TMEM132B: variants seen among roughly 807,000 people sequenced by gnomAD.
TMEM132B encodes the protein transmembrane protein 132B.
TMEM132B carries 18 observed loss-of-function variants against 90.8 expected under a neutral mutation model. That is an observed-to-expected ratio of 0.20 (90% confidence interval 0.14 to 0.29). TMEM132B has a LOEUF of 0.29. Ranked by LOEUF, TMEM132B falls within the 10% of genes least tolerant of loss-of-function variation. The pLI is 1.00. For missense variants in TMEM132B, 1,096 were observed against 1,326.8 expected (o/e 0.83, Z 2.70); for synonymous variants, 504 against 523.3 (o/e 0.96, Z 0.50).
At chr12:125,351,461 C>A (rs779251415) in intron 2 of TMEM132B, among the ~76,000 whole-genome samples, 8 of 151,996 alleles carry the variant, frequency 5.3e-5, no homozygotes, top group Non-Finnish European at 1.0e-4. Context: ...AATACGGGGG[C>A]AGACAAAGAA....
chr12:125,659,023 AAAAT>A lies in TMEM132B; in HGVS notation c.*4317_*4320del, dbSNP rs1233737904. ...AGGGTAACACATCGTTTTTAACATG[AAAAT>A]AAACATTTAAACATTCTTCAGTTGT... is the stretch of plus-strand genomic sequence containing the variant. On this transcript the variant is annotated 3_prime_UTR_variant, in exon 9 of 9. Coordinates refer to ENST00000682704, the MANE Select transcript of TMEM132B (RefSeq NM_001366854.1). 1 of 152,256 alleles carries A rather than the reference AAAAT, an allele frequency of 6.6e-6. No individual in the cohort carries two copies. Among genetic ancestry groups the A allele is most frequent in the East Asian group, 1.9e-4 (1 of 5,204 alleles). The allele number at this position is 152,256 out of a possible 1,614,324, so 9.4% of individuals were successfully genotyped here.
intron 4 of TMEM132B, among the ~76,000 whole-genome samples, chr12:125,557,666 C>G (rs370927855): frequency 6.6e-6 from 1 of 151,124 alleles, no homozygotes; most frequent in African/African-American, 2.4e-5. Context: ...ATTTACTGAG[C>G]TCCTATTATG....
chr12:125,536,470 C>T (rs556150777), intron 4 of TMEM132B, among the ~76,000 whole-genome samples: 3 of 152,298 alleles, frequency 2.0e-5, no homozygotes, highest in East Asian at 3.9e-4. Context: ...CTTCCATGAA[C>T]TCACTCGCCA....
chr12:125,519,655 G>A (rs771525316), intron 4 of TMEM132B, 30 bp downstream of exon 4: 6 of 1,610,752 alleles, frequency 3.7e-6, no homozygotes, highest in Non-Finnish European at 5.1e-6. Context: ...CAGAGGAAGT[G>A]TCACAAAGAA....
At position 125,660,496 on chromosome 12, in the gene TMEM132B, C is replaced by A. The variant is rs986569071; in HGVS notation, c.*5786C>A. On this transcript the variant is annotated 3_prime_UTR_variant, in exon 9 of 9. Coordinates refer to ENST00000682704, the MANE Select transcript of TMEM132B (RefSeq NM_001366854.1). ...CTGTTAGTTTCTTTATGGTTTTATA[C>A]AATTGAGATAGGTTCTGAAGTTTTT... The A allele has an allele frequency of 2.6e-5, 4 of 151,790 alleles. No individual in the cohort carries two copies. Among genetic ancestry groups the A allele is most frequent in the Admixed American group, 6.6e-5 (1 of 15,236 alleles). 9.4% of individuals were successfully genotyped at this position (151,790 alleles called of 1,614,324 possible).
chr12:125,483,718 A>G lies in TMEM132B; in HGVS notation c.1107-35721A>G, dbSNP rs180948552. 1.4e-3 allele frequency among the ~76,000 whole-genome samples: 216 copies of G among 152,324 alleles called. 1 individual carries two copies. Among genetic ancestry groups the G allele is most frequent in the African/African-American group, 5.0e-3 (207 of 41,564 alleles). ...AATGAATGGGTATCAGGAAGGAAAA[A>G]CACCAAGGGTAATTTTAAAGACCTC... On this transcript the variant is annotated intron_variant, in intron 3 of 8. Coordinates refer to ENST00000682704, the MANE Select transcript of TMEM132B (RefSeq NM_001366854.1).
chr12:125,433,460 C>T (rs995399583), intron 3 of TMEM132B, among the ~76,000 whole-genome samples: 2 of 152,002 alleles, frequency 1.3e-5, no homozygotes, highest in African/African-American at 4.8e-5. Context: ...GCTGACTGCC[C>T]TCCCTAGAAC....
At chr12:125,361,424 C>T (rs971857672) in intron 2 of TMEM132B, among the ~76,000 whole-genome samples, 17 of 152,054 alleles carry the variant, frequency 1.1e-4, no homozygotes, top group African/African-American at 3.9e-4. Flanking sequence ...AATCTTAATG[C>T]TTAGTTTTTA....
At chr12:125,329,397 G>T (rs1421886483) in intron 1 of TMEM132B, among the ~76,000 whole-genome samples, 1 of 152,200 alleles carries the variant, frequency 6.6e-6, no homozygotes, top group Non-Finnish European at 1.5e-5. Context: ...CAGAACCCCA[G>T]GAGGCAGATG....
chr12:125,216,486 C>T (rs1434769162), intron 1 of TMEM132B, among the ~76,000 whole-genome samples: 1 of 152,168 alleles, frequency 6.6e-6, no homozygotes, highest in Non-Finnish European at 1.5e-5. Context: ...TTTTGTAACA[C>T]CTCTCTTCCT....
chr12:125,393,806 C>T (rs527548367), intron 2 of TMEM132B, among the ~76,000 whole-genome samples: 20 of 152,300 alleles, frequency 1.3e-4, no homozygotes, highest in African/African-American at 4.3e-4. Context: ...GTGCTTCGTG[C>T]AGGAACTTCA....
intron 5 of TMEM132B, among the ~76,000 whole-genome samples, chr12:125,604,914 C>A (rs998267025): frequency 1.3e-5 from 2 of 152,136 alleles, no homozygotes; most frequent in Non-Finnish European, 2.9e-5. Context: ...TGACAGACAA[C>A]CAGAGAATTT....
rs1305617009 is a variant in TMEM132B, at chr12:125,282,041, AAAAAAAAAAAAAAAAAAAAG to A, written c.68-67409_68-67390del. ...AGACTCCGTCTCAAAAAAAAAAAAA[AAAAAAAAAAAAAAAAAAAAG>A]AGAGACTTTTGAAGCTTGGTGAGAG... On this transcript the variant is annotated intron_variant, in intron 1 of 8. Coordinates refer to ENST00000682704, the MANE Select transcript of TMEM132B (RefSeq NM_001366854.1). Among the ~76,000 whole-genome samples, 14 of 124,604 alleles carry A rather than the reference AAAAAAAAAAAAAAAAAAAAG, an allele frequency of 1.1e-4. 1 individual carries two copies. The highest frequency in any genetic ancestry group is 3.8e-4 in the African/African-American group (12 of 31,804). The allele number at this position is 124,604 out of a possible 152,430, so 81.7% of individuals were successfully genotyped here.
At chr12:125,553,442 G>C (rs963919962) in intron 4 of TMEM132B, among the ~76,000 whole-genome samples, 5 of 152,204 alleles carry the variant, frequency 3.3e-5, no homozygotes, top group Non-Finnish European at 7.3e-5. Flanking sequence ...TGCGCTACCA[G>C]GCCTGTCTGG....
intron 1 of TMEM132B, among the ~76,000 whole-genome samples, chr12:125,266,093 G>A (rs368117379): frequency 6.6e-6 from 1 of 152,126 alleles, no homozygotes; most frequent in African/African-American, 2.4e-5. Flanking sequence ...GCCAGGTGTG[G>A]TGGCGGGCAT....
rs200430480 is a variant in TMEM132B, at chr12:125,515,664, TTC to T, written c.1107-3773_1107-3772del. The stretch of plus-strand genomic sequence containing the variant: ...GACACATTCACACCCCCTTCACACA[TTC>T]TTTCTCACACTCACACACATTCCCT... On this transcript the variant is annotated intron_variant, in intron 3 of 8. Transcript: ENST00000682704. Among the ~76,000 whole-genome samples, 1,041 of 148,520 alleles carry T rather than the reference TTC, an allele frequency of 7.0e-3. 20 individuals are homozygous for T. Among genetic ancestry groups the T allele is most frequent in the African/African-American group, 0.025 (1,009 of 40,258 alleles).
chr12:125,302,268 G>A (rs1375944133), intron 1 of TMEM132B, among the ~76,000 whole-genome samples: 1 of 152,068 alleles, frequency 6.6e-6, no homozygotes, highest in Admixed American at 6.6e-5. Flanking sequence ...GGGAGGCTGA[G>A]GTGGGAGGAT....
intron 2 of TMEM132B, among the ~76,000 whole-genome samples, chr12:125,368,260 G>C (rs902961694): frequency 6.6e-6 from 1 of 152,168 alleles, no homozygotes; most frequent in African/African-American, 2.4e-5. Flanking sequence ...ATTAGATTCA[G>C]GTTATGCATC....
rs749400783 is a variant in TMEM132B at position 125,454,392 on chromosome 12, T to TTGTGTGTG, written c.1106+38736_1106+38743dup. 1.4e-3 allele frequency among the ~76,000 whole-genome samples: 153 copies of TTGTGTGTG among 112,074 alleles called. 1 individual carries two copies. Among genetic ancestry groups the TTGTGTGTG allele is most frequent in the African/African-American group, 4.1e-3 (144 of 35,190 alleles). The allele number at this position is 112,074 out of a possible 152,430, so 73.5% of individuals were successfully genotyped here. A position where few individuals can be genotyped will look rare whatever the true frequency, so the allele number is the denominator to read the frequency against. Reference sequence around the variant, plus strand: ...CAGCCAGCCGTGTGTGTGTGTGTGTTTGTGTGTGTGTGTGTGTGTGTGTGT... The same window carrying TTGTGTGTG: ...CAGCCAGCCGTGTGTGTGTGTGTGTTTGTGTGTGTGTGTGTGTGTGTGTGTGTGTGTGT... On this transcript the variant is annotated intron_variant, in intron 3 of 8. Coordinates refer to ENST00000682704, the MANE Select transcript of TMEM132B (RefSeq NM_001366854.1).
Sources: allele counts gnomAD v4.1 joint callset (sites outside exome capture counted in the v4.1 genomes callset), GRCh38; gene constraint gnomAD v4.1.1; transcripts MANE v1.5; gene names NCBI Gene and HGNC (gene_info 2026-07-23, HGNC 2026-07-21).